FBLN2: variants seen among roughly 807,000 people sequenced by gnomAD.
FBLN2 encodes fibulin 2.
In FBLN2, 81 loss-of-function variants were observed where a neutral mutation model predicts 123.7. The observed-to-expected ratio is 0.65, with a 90% CI of 0.55 to 0.79. The LOEUF (loss-of-function observed/expected upper bound fraction) is 0.79, where lower values mean the gene tolerates loss of function less well. Ranked by LOEUF, FBLN2 falls within the 30% of genes least tolerant of loss-of-function variation. FBLN2 has a pLI of 0.00. For missense variants in FBLN2, 1,603 were observed against 1,681.3 expected, an observed-to-expected ratio of 0.95 and a Z score of 0.81; for synonymous variants, 699 against 701.4, an observed-to-expected ratio of 1.00 and a Z score of 0.05.
intron 1 of FBLN2, among the ~76,000 whole-genome samples, chr3:13,566,936 A>G (rs923946754): frequency 2.6e-5 from 4 of 152,246 alleles, no homozygotes; most frequent in African/African-American, 7.2e-5. Context: ...CACTGGGTGG[A>G]TGCAGAACCA....
intron 5 of FBLN2, among the ~76,000 whole-genome samples, chr3:13,615,269 G>A (rs1236670907): frequency 2.6e-5 from 4 of 152,222 alleles, no homozygotes; most frequent in Admixed American, 2.6e-4. Context: ...TGAGAGTCCT[G>A]GCAGGCCTGC....
At chr3:13,592,975 C>G (rs1466832723) in intron 2 of FBLN2, among the ~76,000 whole-genome samples, 2 of 152,188 alleles carry the variant, frequency 1.3e-5, no homozygotes, top group Admixed American at 1.3e-4. Context: ...TCTATGCTCT[C>G]TCATCCTCCA....
At chr3:13,632,159 G>T (rs1490633846) in intron 16 of FBLN2, among the ~76,000 whole-genome samples, 1 of 152,240 alleles carries the variant, frequency 6.6e-6, no homozygotes, top group Non-Finnish European at 1.5e-5. Context: ...ACCGGATTCT[G>T]GGCCTGGTAA....
At chr3:13,572,821 G>A (rs1257153587) in intron 2 of FBLN2, among the ~76,000 whole-genome samples, 1 of 152,206 alleles carries the variant, frequency 6.6e-6, no homozygotes, top group African/African-American at 2.4e-5. Context: ...ACCCCTTCCT[G>A]CTTACTTTAG....
At chr3:13,613,124 G>A (rs1400149335) in intron 4 of FBLN2, among the ~76,000 whole-genome samples, 9 of 141,308 alleles carry the variant, frequency 6.4e-5, no homozygotes, top group African/African-American at 2.1e-4. Flanking sequence ...CAGTTATGAT[G>A]TGCAGAGTTC....
intron 5 of FBLN2, among the ~76,000 whole-genome samples, chr3:13,614,511 C>T (rs963697981): frequency 6.6e-6 from 1 of 152,064 alleles, no homozygotes; most frequent in Non-Finnish European, 1.5e-5. Flanking sequence ...ATCCTCCCAT[C>T]CTCTTGTCCA....
At chr3:13,633,477 G>T (rs1446940746) in intron 16 of FBLN2, among the ~76,000 whole-genome samples, 1 of 152,252 alleles carries the variant, frequency 6.6e-6, no homozygotes, top group African/African-American at 2.4e-5. Context: ...GACTCACATG[G>T]TGGGCAAGGG....
intron 2 of FBLN2, among the ~76,000 whole-genome samples, chr3:13,586,459 A>G (rs1397443259): frequency 6.0e-5 from 9 of 149,140 alleles, no homozygotes; most frequent in Admixed American, 6.0e-4. Flanking sequence ...TTGGGATTAC[A>G]GGCATGAGCC....
intron 4 of FBLN2, among the ~76,000 whole-genome samples, chr3:13,612,192 A>G (rs1705411831): frequency 6.6e-6 from 1 of 152,116 alleles, no homozygotes; most frequent in South Asian, 2.1e-4. Flanking sequence ...GACAGGGTCT[A>G]GAAACGTTTA....
rs114114917 is a variant in FBLN2, at chr3:13,563,553, C to T, written c.-41-6762C>T. On this transcript the variant is annotated intron_variant, in intron 1 of 17. Transcript: ENST00000404922. ...GCTCCCCCTGGCTCTGCCTGCTTTC[C>T]TTTGCCCTTCTCCTGAGCGCTCTCC... 4.3e-3 allele frequency among the ~76,000 whole-genome samples: 648 copies of T among 152,368 alleles called. 3 individuals carry two copies. Among genetic ancestry groups the T allele is most frequent in the Middle Eastern group, 0.01 (3 of 294 alleles).
rs750746829 is a variant in FBLN2 at position 13,638,062 on chromosome 3, C to T, written c.*143C>T. On this transcript the variant is annotated 3_prime_UTR_variant, in exon 18 of 18. Transcript: ENST00000404922. ...ACTTGACTCCTGTGGCTTCTGGACC[C>T]CTCCTCTGCCCCGCAGGAGGAAGTT... 6.5e-6 allele frequency: 5 copies of T among 767,048 alleles called. No homozygotes were observed. In the East Asian group the frequency reaches 1.3e-4, roughly 21 times the overall value. The allele number at this position is 767,048 out of a possible 1,614,324, so 47.5% of individuals were successfully genotyped here.
chr3:13,603,409 C>T (rs1460195912), intron 2 of FBLN2, among the ~76,000 whole-genome samples: 1 of 137,564 alleles, frequency 7.3e-6, no homozygotes, highest in African/African-American at 2.7e-5. Context: ...CACGACAGGC[C>T]CCAGTGTGTG....
At chr3:13,584,320 T>G (rs984284770) in intron 2 of FBLN2, among the ~76,000 whole-genome samples, 1 of 152,114 alleles carries the variant, frequency 6.6e-6, no homozygotes, top group African/African-American at 2.4e-5. Context: ...GACACAGAGG[T>G]CCAGTGCTGG....
chr3:13,592,217 G>T (rs1356098817), intron 2 of FBLN2, among the ~76,000 whole-genome samples: 2 of 151,630 alleles, frequency 1.3e-5, no homozygotes, highest in Non-Finnish European at 2.9e-5. Context: ...ATAGAGACAG[G>T]GTTTCACCAT....
chr3:13,626,401 T>A, intron 9 of FBLN2, 44 bp from the exon 10 acceptor site: 1 of 1,521,694 alleles, frequency 6.6e-7, no homozygotes, highest in South Asian at 1.3e-5. Context: ...TCAGCCACTG[T>A]CCTGGGGACT....
chr3:13,603,354 A>G (rs1480758014), intron 2 of FBLN2, among the ~76,000 whole-genome samples: 2 of 151,128 alleles, frequency 1.3e-5, no homozygotes, highest in African/African-American at 4.9e-5. Flanking sequence ...TGTCATTTAC[A>G]TTAGGTATTT....
At chr3:13,618,787 G>A in intron 6 of FBLN2, 117 bp from the exon 7 acceptor site, 1 of 691,144 alleles carries the variant, frequency 1.4e-6, no homozygotes, top group South Asian at 1.8e-5. Flanking sequence ...TGTGAAATGG[G>A]GTGGGGGATT....
chr3:13,566,145 G>A (rs1253131096), intron 1 of FBLN2, among the ~76,000 whole-genome samples: 1 of 152,172 alleles, frequency 6.6e-6, no homozygotes, highest in African/African-American at 2.4e-5. Flanking sequence ...TCCCCCCGCA[G>A]GGAGGTCAGG....
At chr3:13,576,727 C>CCCT (rs373018264) in intron 2 of FBLN2, among the ~76,000 whole-genome samples, 2 of 151,908 alleles carry the variant, frequency 1.3e-5, no homozygotes, top group African/African-American at 4.8e-5. Context: ...GGATCCCCCC[C>CCCT]CCCCGGGTTC....
Sources: gnomAD v4.1 joint callset for allele counts (sites outside exome capture counted in the v4.1 genomes callset) on GRCh38, gnomAD v4.1.1 for gene constraint, MANE v1.5 for transcripts, NCBI Gene and HGNC (gene_info 2026-07-23, HGNC 2026-07-21) for gene names.